SPATA13: variants seen among roughly 807,000 people sequenced by gnomAD.
The protein encoded by SPATA13 is spermatogenesis-associated protein 13.
Under a neutral mutation model 104.0 loss-of-function variants are expected in SPATA13, and 50 were observed. The ratio of observed to expected loss-of-function variants is 0.48; its 90% CI spans 0.38 to 0.61. The LOEUF (loss-of-function observed/expected upper bound fraction) is 0.61. Ranked by LOEUF, SPATA13 falls within the 20% of genes least tolerant of loss-of-function variation. The probability of loss-of-function intolerance (pLI) is 0.00; values close to 1 mark genes in which losing one functional copy is unlikely to be tolerated. For missense variants in SPATA13, 1,524 were observed against 1,690.6 expected (o/e 0.90, Z 1.73); for synonymous variants, 606 against 667.5 (o/e 0.91, Z 1.42).
At chr13:24,290,355 T>C (rs1409996569) in intron 8 of SPATA13, among the ~76,000 whole-genome samples, 1 of 152,114 alleles carries the variant, frequency 6.6e-6, no homozygotes, top group African/African-American at 2.4e-5. Flanking sequence ...CTCCCCACCT[T>C]CCAGGATGAG....
intron 1 of SPATA13, among the ~76,000 whole-genome samples, chr13:24,203,047 A>G (rs1224916253): frequency 6.6e-6 from 1 of 151,986 alleles, no homozygotes; most frequent in African/African-American, 2.4e-5. Flanking sequence ...AACGTGTGCC[A>G]TGGTGGTTGG....
rs887555987 is a variant in SPATA13 at position 24,286,453 on chromosome 13, A to G, written c.2481+60A>G. 2.0e-6 allele frequency: 3 copies of G among 1,530,848 alleles called. No homozygotes were observed. The highest frequency in any genetic ancestry group is 2.7e-6 in the Non-Finnish European group (3 of 1,131,554). 94.8% of individuals were successfully genotyped at this position (1,530,848 alleles called of 1,614,324 possible). ...CCTGGGGGAGCTGCAGGATCCTTTC[A>G]GGTCAGAACTCGCCTTTTATCAGGT... On this transcript the variant is annotated intron_variant, in intron 6 of 12. Transcript: ENST00000382108. The surrounding 1 kb of genome is among the most constrained non-coding windows in gnomAD (Gnocchi z 4.9).
rs1241443407 is a variant in SPATA13 at position 24,155,585 on chromosome 13, A to T, written c.-111-67234A>T. ...GGGCTTTCAGAACCAAGCCAGAGTC[A>T]GTGAGTGGCAGAGACAGCTCTTTAC... On this transcript the variant is annotated intron_variant, in intron 3 of 14. Transcript: ENST00000424834. Among the ~76,000 whole-genome samples, 5 of 152,330 alleles carry T rather than the reference A, an allele frequency of 3.3e-5. No homozygotes were observed. The East Asian group carries it at 9.6e-4, about 29-fold the overall frequency.
intron 3 of SPATA13, among the ~76,000 whole-genome samples, chr13:24,078,041 G>A (rs893180348): frequency 3.3e-5 from 5 of 152,106 alleles, no homozygotes; most frequent in Admixed American, 2.0e-4. Context: ...CGGTCCCAGC[G>A]TCCATGAGTT....
At chr13:24,123,018 A>G (rs758105648) in intron 3 of SPATA13, 4 of 907,468 alleles carry the variant, frequency 4.4e-6, no homozygotes, top group African/African-American at 3.2e-5. Flanking sequence ...ATCTGGCCCC[A>G]TCTGGATTAC....
At chr13:24,196,542 C>G (rs1194631436) in intron 1 of SPATA13, among the ~76,000 whole-genome samples, 1 of 152,066 alleles carries the variant, frequency 6.6e-6, no homozygotes, top group Non-Finnish European at 1.5e-5. Flanking sequence ...TGAGACCAGC[C>G]TGGGAAATAT....
intron 2 of SPATA13, among the ~76,000 whole-genome samples, chr13:24,232,226 C>T (rs112986495): frequency 1.3e-5 from 2 of 152,124 alleles, no homozygotes; most frequent in Non-Finnish European, 2.9e-5. Flanking sequence ...TCCGAAGGCC[C>T]AAGAACCAGG....
intron 4 of SPATA13, among the ~76,000 whole-genome samples, chr13:24,260,694 A>T (rs1382447562): frequency 6.6e-6 from 1 of 152,250 alleles, no homozygotes; most frequent in African/African-American, 2.4e-5. Context: ...AGCTTGGAAA[A>T]AATGGAAAAA....
At chr13:24,027,344 A>G (rs1031054829) in intron 3 of SPATA13, among the ~76,000 whole-genome samples, 2 of 151,646 alleles carry the variant, frequency 1.3e-5, no homozygotes, top group African/African-American at 4.8e-5. Context: ...CATGTTGATC[A>G]GGCTAGTCTT....
intron 1 of SPATA13, among the ~76,000 whole-genome samples, chr13:24,202,126 A>T (rs1434584231): frequency 6.6e-6 from 1 of 151,970 alleles, no homozygotes. Flanking sequence ...AGTGACTCTG[A>T]CATATTTGAC....
At chr13:24,201,411 TA>T (rs1428494395) in intron 1 of SPATA13, among the ~76,000 whole-genome samples, 1 of 151,066 alleles carries the variant, frequency 6.6e-6, no homozygotes, top group East Asian at 2.0e-4. Flanking sequence ...AATATTGATT[TA>T]CTATTAACTA....
exon 2 of SPATA13, chr13:23,983,840 G>C: frequency 2.0e-6 from 2 of 978,442 alleles, no homozygotes; most frequent in Non-Finnish European, 1.2e-6. Flanking sequence ...AGTCATATTC[G>C]CTGCCTGTGC....
At chr13:24,271,532 A>C (rs1874609232) in intron 4 of SPATA13, among the ~76,000 whole-genome samples, 1 of 152,160 alleles carries the variant, frequency 6.6e-6, no homozygotes, top group African/African-American at 2.4e-5. Flanking sequence ...CTATTTGTCT[A>C]TTCTGTGAGT....
At chr13:24,262,001 T>C (rs1409192692) in intron 4 of SPATA13, among the ~76,000 whole-genome samples, 2 of 152,268 alleles carry the variant, frequency 1.3e-5, no homozygotes, top group Admixed American at 1.3e-4. Flanking sequence ...GTATTACCAG[T>C]ATCTGAAAGC....
intron 3 of SPATA13, among the ~76,000 whole-genome samples, chr13:24,143,785 C>T (rs1177453029): frequency 6.6e-6 from 1 of 152,142 alleles, no homozygotes; most frequent in Non-Finnish European, 1.5e-5. Context: ...TATAGATAGT[C>T]CCAGAGGTTC....
At position 24,247,674 on chromosome 13, in the gene SPATA13, G is replaced by GGGTTTCA. The variant is rs1873223992; in HGVS notation, c.1654-1802_1654-1796dup. 1.3e-5 allele frequency among the ~76,000 whole-genome samples: 2 copies of GGGTTTCA among 151,922 alleles called. 1 individual carries two copies. Among genetic ancestry groups the GGGTTTCA allele is most frequent in the South Asian group, 4.2e-4 (2 of 4,814 alleles). ...ATTTTTTTGTATTTTAGTAGAGACA[G>GGGTTTCA]GGTTTCACCATGTTGGCCAGCTGGT... On this transcript the variant is annotated intron_variant, in intron 2 of 12. Transcript: ENST00000382108.
intron 1 of SPATA13, among the ~76,000 whole-genome samples, chr13:24,216,786 C>T (rs1871279084): frequency 6.6e-6 from 1 of 152,198 alleles, no homozygotes; most frequent in African/African-American, 2.4e-5. Flanking sequence ...CATGGTGGCT[C>T]ATGCCTGTAA....
chr13:24,130,654 A>C (rs1035257421), intron 3 of SPATA13, among the ~76,000 whole-genome samples: 3 of 152,212 alleles, frequency 2.0e-5, no homozygotes, highest in Non-Finnish European at 4.4e-5. Flanking sequence ...TGAAGTGAAT[A>C]GTTCTTTGTG....
At chr13:24,056,445 C>T (rs552950633) in intron 3 of SPATA13, among the ~76,000 whole-genome samples, 2 of 152,310 alleles carry the variant, frequency 1.3e-5, no homozygotes, top group South Asian at 4.1e-4. Flanking sequence ...CCATACAAGA[C>T]ATATGATGGA....
Sources: allele counts gnomAD v4.1 joint callset (sites outside exome capture counted in the v4.1 genomes callset), GRCh38; gene constraint gnomAD v4.1.1; non-coding constraint Gnocchi (gnomAD v3.1); transcripts MANE v1.5; gene names NCBI Gene and HGNC (gene_info 2026-07-23, HGNC 2026-07-21).